ZNF433: variants seen among roughly 807,000 people sequenced by gnomAD.
The protein encoded by ZNF433 is zinc finger protein 433.
In ZNF433, 12 loss-of-function variants were observed where a neutral mutation model predicts 10.6. The ratio of observed to expected loss-of-function variants is 1.13; its 90% CI spans 0.72 to 1.83. ZNF433 has a LOEUF of 1.83. ZNF433 is among the 40% of genes most tolerant of loss of function. The pLI is 0.00. For synonymous variants in ZNF433, 272 were observed against 271.3 expected (o/e 1.00, Z -0.02); for missense variants, 737 against 798.0 (o/e 0.92, Z 0.92).
chr19:12,016,508 T>G lies in ZNF433; in HGVS notation c.350A>C (p.Asn117Thr). The G allele has an allele frequency of 4.3e-6, 7 of 1,614,128 alleles. No homozygotes were observed. The highest frequency in any genetic ancestry group is 1.3e-5 in the African/African-American group (1 of 75,058). Reference sequence around the variant, plus strand: ...TCCAGTGTCATCTCTGATGTGCCTATTAAGAGATGAATGAGCACTGCCTAC... The same window carrying G: ...TCCAGTGTCATCTCTGATGTGCCTAGTAAGAGATGAATGAGCACTGCCTAC... ...GEVGSAHSSL[N>T]RHIRDDTGHK... The change falls in exon 4 of 4, where the codon AAT becomes ACT. Residue 117 changes from asparagine to threonine, a missense_variant. By Grantham distance (65) the Asn-to-Thr change is moderately conservative (BLOSUM62 0). Transcript: ENST00000550507.
rs1568345221 is a variant in ZNF433, at chr19:12,035,438, C to T, written c.3+99G>A. The T allele has an allele frequency of 2.0e-6, 3 of 1,508,516 alleles. No individual in the cohort carries two copies. The Admixed American group carries it at 6.0e-5, about 30-fold the overall frequency. 93.4% of individuals were successfully genotyped at this position (1,508,516 alleles called of 1,614,324 possible). ...CCACGGGAAATCGGGTCCCAGACCCCGGAGTCGCCGCGGGGAGGCCCGGGT... is the reference window on the plus strand; with the variant it reads ...CCACGGGAAATCGGGTCCCAGACCCTGGAGTCGCCGCGGGGAGGCCCGGGT... On this transcript the variant is annotated intron_variant, in intron 1 of 3. Transcript: ENST00000550507.
chr19:12,034,428 C>CTA, intron 1 of ZNF433: 1 of 163,908 alleles, frequency 6.1e-6, no homozygotes, highest in South Asian at 1.6e-4. Flanking sequence ...ACAGGCTTCA[C>CTA]TATACCTGGA....
rs1974584750 is a variant in ZNF433 at position 12,023,311 on chromosome 19, GTTTAAA to G, written c.4-5025_4-5020del. 4 of 152,302 alleles carry G rather than the reference GTTTAAA, an allele frequency of 2.6e-5. No homozygotes were observed. In the South Asian group the frequency reaches 8.3e-4, roughly 32 times the overall value. 9.4% of individuals were successfully genotyped at this position (152,302 alleles called of 1,614,324 possible). Reference sequence around the variant, plus strand: ...ATCAGATTACTTCTAGGTAGATCTAGTTTAAATTTAAAAGGAGTGCAAGTACATACA... The same window carrying G: ...ATCAGATTACTTCTAGGTAGATCTAGTTTAAAAGGAGTGCAAGTACATACA... On this transcript the variant is annotated intron_variant, in intron 1 of 3. Coordinates refer to ENST00000550507, the MANE Select transcript of ZNF433 (RefSeq NM_001308348.2).
chr19:12,019,153 G>T (rs1018477627), intron 1 of ZNF433, among the ~76,000 whole-genome samples: 2 of 151,890 alleles, frequency 1.3e-5, no homozygotes, highest in African/African-American at 4.8e-5. Context: ...AGGCATGGTG[G>T]CTCATGCCTG....
intron 1 of ZNF433, chr19:12,023,967 G>A (rs1308642983): frequency 6.6e-6 from 1 of 152,016 alleles, no homozygotes; most frequent in Non-Finnish European, 1.5e-5. Context: ...CAAGGTTTAG[G>A]GTATCATTTT....
Position 12,028,327 on chromosome 19 carries a change from C to T in ZNF433, c.3+7210G>A, listed in dbSNP as rs368538410. On this transcript the variant is annotated intron_variant, in intron 1 of 3. Transcript: ENST00000550507. ...GTGAACTACCATTCCATGGAAGGTT[C>T]GTTACTAAGTAAAAATAAAATATGA... is the stretch of plus-strand genomic sequence containing the variant. 5.3e-5 allele frequency among the ~76,000 whole-genome samples: 8 copies of T among 151,950 alleles called. No homozygotes were observed. In the South Asian group the frequency reaches 6.2e-4, roughly 12 times the overall value.
intron 1 of ZNF433, chr19:12,021,809 C>G: frequency 5.5e-6 from 2 of 362,912 alleles, no homozygotes; most frequent in South Asian, 4.0e-5. Context: ...ACTCACAAAA[C>G]CAAAACACCA....
In ZNF433 at chr19:12,015,075, A is replaced by T; in HGVS notation, c.1783T>A (p.Ser595Thr). The change falls in exon 4 of 4, where the codon TCT becomes ACT. Residue 595 changes from serine to threonine, a missense_variant. Physicochemically the swap from Ser to Thr is moderately conservative, Grantham distance 58 (BLOSUM62 1). Transcript: ENST00000550507. ...KPYECKQCGK[S>T]FGCASRLQMH... ...TGAAGTCGCGAGGCACATCCAAAAGACTTCCCACACTGCTTACATTCATAG... is the reference window on the plus strand; with the variant it reads ...TGAAGTCGCGAGGCACATCCAAAAGTCTTCCCACACTGCTTACATTCATAG... The T allele has an allele frequency of 1.9e-6, 3 of 1,602,826 alleles. No individual in the cohort carries two copies. The highest frequency in any genetic ancestry group is 2.6e-6 in the Non-Finnish European group (3 of 1,176,294).
At chr19:12,021,220 A>C (rs1178534771) in intron 1 of ZNF433, among the ~76,000 whole-genome samples, 1 of 151,892 alleles carries the variant, frequency 6.6e-6, no homozygotes, top group African/African-American at 2.4e-5. Context: ...TGACCTCGTG[A>C]TTCACCCACC....
intron 1 of ZNF433, chr19:12,034,575 G>A (rs1210846404): frequency 3.2e-6 from 1 of 314,060 alleles, no homozygotes; most frequent in African/African-American, 2.2e-5. Context: ...CAAGACCTAA[G>A]GCCATGCAAG....
rs938467776 is a variant in ZNF433 at position 12,022,019 on chromosome 19, C to G, written c.4-3727G>C. The stretch of plus-strand genomic sequence containing the variant: ...TAGAGACTTAGGTGTTGGGAACAGG[C>G]CCCCAAATCTGGCCATAAACTGGCT... On this transcript the variant is annotated intron_variant, in intron 1 of 3. Coordinates refer to ENST00000550507, the MANE Select transcript of ZNF433 (RefSeq NM_001308348.2). The G allele has an allele frequency of 1.8e-5, 8 of 455,900 alleles. No individual in the cohort carries two copies. The Admixed American group carries it at 1.9e-4, about 11-fold the overall frequency. The allele number at this position is 455,900 out of a possible 1,614,324, so 28.2% of individuals were successfully genotyped here. A position where few individuals can be genotyped will look rare whatever the true frequency, so the allele number is the denominator to read the frequency against.
At chr19:12,030,729 C>T (rs139123207) in intron 1 of ZNF433, among the ~76,000 whole-genome samples, 2 of 152,226 alleles carry the variant, frequency 1.3e-5, no homozygotes, top group African/African-American at 4.8e-5. Flanking sequence ...TAAGACTAAG[C>T]ATTTGCAAGC....
chr19:12,026,107 T>C (rs189068543), intron 1 of ZNF433: 1 of 153,342 alleles, frequency 6.5e-6, no homozygotes, highest in African/African-American at 2.4e-5. Context: ...GCAGAACAAC[T>C]GGTTTGGTGG....
chr19:12,020,136 A>G (rs1356332464), intron 1 of ZNF433, among the ~76,000 whole-genome samples: 1 of 152,022 alleles, frequency 6.6e-6, no homozygotes, highest in African/African-American at 2.4e-5. Context: ...GCCGGGCATG[A>G]TGGCACATTC....
At chr19:12,021,656 C>T (rs1437933558) in intron 1 of ZNF433, among the ~76,000 whole-genome samples, 1 of 152,152 alleles carries the variant, frequency 6.6e-6, no homozygotes, top group African/African-American at 2.4e-5. Context: ...ATAAAGCCTT[C>T]CTTGATATTT....
At position 12,015,968 on chromosome 19, in the gene ZNF433, T is replaced by C. The variant is rs771372604; in HGVS notation, c.890A>G (p.His297Arg). 1 of 1,614,122 alleles carries C rather than the reference T, an allele frequency of 6.2e-7. No homozygotes were observed. The highest frequency in any genetic ancestry group is 8.5e-7 in the Non-Finnish European group (1 of 1,179,938). Reference protein sequence around the residue: ...AFSSSHSFQIHERTHTGEKPY... With the variant: ...AFSSSHSFQIRERTHTGEKPY... ...CTTCTCCCCCGTGTGAGTTCTTTCA[T>C]GTATTTGAAAGGAATGGGAAGAGCT... Residue 297 changes from histidine to arginine, a missense_variant, in exon 4 of 4, where the codon CAT (histidine) becomes CGT (arginine). His to Arg is a conservative substitution (Grantham distance 29). Transcript: ENST00000550507.
chr19:12,029,549 A>G (rs886818383), intron 1 of ZNF433, among the ~76,000 whole-genome samples: 6 of 123,956 alleles, frequency 4.8e-5, no homozygotes, highest in Non-Finnish European at 7.0e-5. Context: ...AAAAAAAAAA[A>G]GCCAGGATGT....
At chr19:12,024,503 G>C (rs1291684796) in intron 1 of ZNF433, 1 of 152,220 alleles carries the variant, frequency 6.6e-6, no homozygotes, top group Non-Finnish European at 1.5e-5. Context: ...AGTACTAAGG[G>C]ATATCAACTG....
Position 12,017,793 on chromosome 19 carries a change from GT to G in ZNF433, c.191+82del. 4.5e-6 allele frequency: 4 copies of G among 883,548 alleles called. No homozygotes were observed. The African/African-American group carries it at 6.1e-5, about 14-fold the overall frequency. 54.7% of individuals were successfully genotyped at this position (883,548 alleles called of 1,614,324 possible). On this transcript the variant is annotated intron_variant, in intron 3 of 3. Coordinates refer to ENST00000550507, the MANE Select transcript of ZNF433 (RefSeq NM_001308348.2). ...GATTGAAATTGTGCTTATTTCTTTT[GT>G]TTCCTTTTTTTTTTTTTAACATTTT...
Sources: allele counts gnomAD v4.1 joint callset (sites outside exome capture counted in the v4.1 genomes callset), GRCh38; gene constraint gnomAD v4.1.1; transcripts MANE v1.5; gene names NCBI Gene and HGNC (gene_info 2026-07-23, HGNC 2026-07-21).